RYR2: variants seen among roughly 807,000 people sequenced by gnomAD.
RYR2 encodes ryanodine receptor 2, also known as cardiac muscle ryanodine receptor-calcium release channel.
A neutral mutation model predicts 601.1 loss-of-function variants in RYR2; 227 were observed. The observed-to-expected ratio is 0.38, with a 90% CI of 0.34 to 0.42. The LOEUF is 0.42. Ranked by LOEUF, RYR2 falls within the 10% of genes least tolerant of loss-of-function variation. The pLI, the probability that RYR2 is intolerant of heterozygous loss-of-function variation, is 1.00. For synonymous variants in RYR2, 2,223 were observed against 2,175.1 expected (o/e 1.02, Z -0.61); for missense variants, 4,646 against 6,156.5 (o/e 0.75, Z 8.21).
At chr1:237,593,165 C>T (rs1675421267) in intron 32 of RYR2, among the ~76,000 whole-genome samples, 1 of 152,044 alleles carries the variant, frequency 6.6e-6, no homozygotes. Flanking sequence ...GTGTATATTA[C>T]ACACATCTAG....
Position 237,352,452 on chromosome 1 carries a change from T to A in RYR2, c.274-3513T>A, listed in dbSNP as rs147657466. On this transcript the variant is annotated intron_variant, in intron 3 of 104. Transcript: ENST00000366574. Reference sequence around the variant, plus strand: ...ATTTTGAGAAAAATAAAGATGACCTTAAAAAAAGGATAAATATACCATGTT... The same window carrying A: ...ATTTTGAGAAAAATAAAGATGACCTAAAAAAAAGGATAAATATACCATGTT... Among the ~76,000 whole-genome samples, 313 of 151,948 alleles carry A rather than the reference T, an allele frequency of 2.1e-3. 2 individuals carry two copies. Among genetic ancestry groups the A allele is most frequent in the African/African-American group, 7.0e-3 (290 of 41,448 alleles).
intron 29 of RYR2, among the ~76,000 whole-genome samples, chr1:237,576,877 A>C (rs1572942621): frequency 6.6e-6 from 1 of 152,350 alleles, no homozygotes; most frequent in South Asian, 2.1e-4. Flanking sequence ...GTTCAGTATT[A>C]TTGATCAGGG....
intron 87 of RYR2, among the ~76,000 whole-genome samples, chr1:237,778,094 A>T (rs1333672235): frequency 6.6e-6 from 1 of 152,138 alleles, no homozygotes; most frequent in Non-Finnish European, 1.5e-5. Flanking sequence ...ACCACTTCCA[A>T]TTGCCTTGGA....
chr1:237,205,581 TG>T (rs1351144491), intron 1 of RYR2, among the ~76,000 whole-genome samples: 4 of 152,178 alleles, frequency 2.6e-5, no homozygotes, highest in Non-Finnish European at 5.9e-5. Context: ...AGAGGCAGGA[TG>T]GGGCTGGCAC....
intron 48 of RYR2, 136 bp from the exon 49 acceptor site, chr1:237,648,308 T>G: frequency 1.3e-6 from 1 of 760,046 alleles, no homozygotes; most frequent in Non-Finnish European, 2.0e-6. Flanking sequence ...CATAATAGCT[T>G]GAGGGTAGTC....
At position 237,717,201 on chromosome 1, in the gene RYR2, G is replaced by C. The variant is rs1689337254; in HGVS notation, c.10327G>C (p.Ala3443Pro). Residue 3443 changes from alanine to proline, a missense_variant, in exon 72 of 105, where the codon GCT (alanine) becomes CCT (proline). Around this residue, in one of 17 missense-constraint regions of RYR2, gnomAD observed 1,497 missense variants for 1,842.6 expected, o/e 0.81. Transcript: ENST00000366574. ...AGCACTTCTCTTTGTTCCATAGGCA[G>C]CTGTTTCTGATCAGGAAAGGAAGAA... Reference protein sequence around the residue: ...TDTKSKMSKAAVSDQERKKMK... With the variant: ...TDTKSKMSKAPVSDQERKKMK... The C allele has an allele frequency of 5.0e-6, 8 of 1,613,178 alleles. No homozygotes were observed. Among genetic ancestry groups the C allele is most frequent in the Non-Finnish European group, 6.8e-6 (8 of 1,179,512 alleles).
chr1:237,271,210 G>A (rs908264079), intron 2 of RYR2, among the ~76,000 whole-genome samples: 1 of 152,008 alleles, frequency 6.6e-6, no homozygotes, highest in African/African-American at 2.4e-5. Flanking sequence ...GTCAGATACT[G>A]TAAATTATAG....
At chr1:237,399,907 G>T (rs1460241616) in intron 10 of RYR2, among the ~76,000 whole-genome samples, 1 of 151,934 alleles carries the variant, frequency 6.6e-6, no homozygotes, top group Non-Finnish European at 1.5e-5. Flanking sequence ...GGGCAAGGAA[G>T]AACAAAAAAG....
At chr1:237,095,163 A>G (rs1447333267) in intron 1 of RYR2, among the ~76,000 whole-genome samples, 1 of 152,222 alleles carries the variant, frequency 6.6e-6, no homozygotes, top group Non-Finnish European at 1.5e-5. Context: ...TAAAAGTGTT[A>G]GAGACAACAA....
chr1:237,214,479 TGAG>T (rs1682948498), intron 1 of RYR2, among the ~76,000 whole-genome samples: 2 of 152,050 alleles, frequency 1.3e-5, no homozygotes, highest in African/African-American at 4.8e-5. Context: ...AGGAAGGAAA[TGAG>T]GAGGAGGTCC....
chr1:237,593,689 A>T lies in RYR2; in HGVS notation c.4436+53A>T. 1.9e-6 allele frequency: 3 copies of T among 1,556,118 alleles called. No homozygotes were observed. The South Asian group carries it at 3.4e-5, about 18-fold the overall frequency. ...ATGACATGTGAAAAAAATATTGGTG[A>T]ACCTAGCTATTCCTTTTCCTTGTAT... is the stretch of plus-strand genomic sequence containing the variant. On this transcript the variant is annotated intron_variant, in intron 33 of 104. Transcript: ENST00000366574.
intron 62 of RYR2, among the ~76,000 whole-genome samples, chr1:237,682,920 C>A: frequency 6.6e-6 from 1 of 152,172 alleles, no homozygotes; most frequent in South Asian, 2.1e-4. Flanking sequence ...GAAAGAAAAT[C>A]ATAGAGGAAA....
At chr1:237,131,505 C>T (rs1672169840) in intron 1 of RYR2, among the ~76,000 whole-genome samples, 1 of 151,820 alleles carries the variant, frequency 6.6e-6, no homozygotes, top group African/African-American at 2.4e-5. Flanking sequence ...TTGGACAGGG[C>T]CGTTAAAAAT....
chr1:237,547,917 C>T lies in RYR2; in HGVS notation c.2907-514C>T, dbSNP rs545730961. Among the ~76,000 whole-genome samples the T allele has an allele frequency of 4.3e-4, 66 of 152,124 alleles. 1 individual carries two copies. The highest frequency in any genetic ancestry group is 1.8e-4 in the Non-Finnish European group (12 of 67,994). On this transcript the variant is annotated intron_variant, in intron 25 of 104. Transcript: ENST00000366574. The stretch of plus-strand genomic sequence containing the variant: ...TATCTTATTTAGTCTTCCTAAATAA[C>T]GTAACTAGGAATGACAGTAAGGAAA...
intron 96 of RYR2, among the ~76,000 whole-genome samples, chr1:237,796,698 A>ATCTT (rs1659275049): frequency 6.6e-6 from 1 of 151,248 alleles, no homozygotes; most frequent in Admixed American, 6.6e-5. Flanking sequence ...TCCTTTTCTA[A>ATCTT]TCTTTTCTCC....
At chr1:237,445,158 G>T (rs574643142) in intron 13 of RYR2, among the ~76,000 whole-genome samples, 138 of 151,966 alleles carry the variant, frequency 9.1e-4, no homozygotes, top group Non-Finnish European at 1.5e-3. Context: ...GACCAGCCTG[G>T]GCAACATAGC....
chr1:237,148,515 TAAAAAAA>T (rs372359390), intron 1 of RYR2, among the ~76,000 whole-genome samples: 26 of 105,126 alleles, frequency 2.5e-4, no homozygotes, highest in African/African-American at 8.8e-4. Flanking sequence ...GAACTTCAAG[TAAAAAAA>T]AAAAAATATA....
At chr1:237,781,872 A>G (rs1477569929) in intron 89 of RYR2, among the ~76,000 whole-genome samples, 2 of 152,208 alleles carry the variant, frequency 1.3e-5, no homozygotes, top group African/African-American at 4.8e-5. Context: ...GTAGTACTTT[A>G]TAACAGTACT....
chr1:237,249,701 T>C (rs777049936), intron 1 of RYR2, among the ~76,000 whole-genome samples: 6 of 152,216 alleles, frequency 3.9e-5, no homozygotes. Context: ...GGCCTCAAAA[T>C]ATCAAGCCCT....
Sources: allele counts gnomAD v4.1 joint callset (sites outside exome capture counted in the v4.1 genomes callset), GRCh38; gene constraint gnomAD v4.1.1; regional missense constraint gnomAD v4.1.1; transcripts MANE v1.5; gene names NCBI Gene and HGNC (gene_info 2026-07-23, HGNC 2026-07-21).